The following MAP3K12 variants were observed in gnomAD, a reference collection of about 807,000 sequenced individuals.
MAP3K12 encodes mitogen-activated protein kinase kinase kinase 12, also known as MAPK-upstream kinase.
In MAP3K12, 14 loss-of-function variants were observed where a neutral mutation model predicts 87.5. That is an observed-to-expected ratio of 0.16 (90% CI 0.11 to 0.25). The LOEUF is 0.25. Ranked by LOEUF, MAP3K12 falls within the 10% of genes least tolerant of loss-of-function variation. The pLI is 1.00. For synonymous variants in MAP3K12, 469 were observed against 452.5 expected (o/e 1.04, Z -0.46); for missense variants, 802 against 1,140.4 (o/e 0.70, Z 4.27).
At position 53,481,066 on chromosome 12, in the gene MAP3K12, T is replaced by G. The variant is rs1299715883; in HGVS notation, c.*116A>C. On this transcript the variant is annotated 3_prime_UTR_variant, in exon 14 of 14. Coordinates refer to ENST00000547488, the MANE Select transcript of MAP3K12 (RefSeq NM_001193511.2). ...GGGATCAGTCTCCCTCGAGCCTGAC[T>G]TACGGCTGGGACAGCCCCATCTTTC... 1 of 362,608 alleles carries G rather than the reference T, an allele frequency of 2.8e-6. No homozygotes were observed. Among genetic ancestry groups the G allele is most frequent in the Non-Finnish European group, 4.2e-6 (1 of 239,314 alleles). 22.5% of individuals were successfully genotyped at this position (362,608 alleles called of 1,614,324 possible).
At chr12:53,481,844 G>T in intron 13 of MAP3K12, 97 bp downstream of exon 13, 1 of 1,440,378 alleles carries the variant, frequency 6.9e-7, no homozygotes, top group Non-Finnish European at 9.5e-7. Flanking sequence ...GTACTTTCTG[G>T]CCTGTGCAGC....
At chr12:53,487,553 G>C (rs1943264747) in intron 1 of MAP3K12, 125 bp from the exon 2 acceptor site, 1 of 921,130 alleles carries the variant, frequency 1.1e-6, no homozygotes, top group African/African-American at 1.7e-5. Context: ...GGTAACACTT[G>C]TGGCTCCGTT....
At chr12:53,482,425 G>A (rs533252607) in intron 11 of MAP3K12, 56 bp from the exon 12 acceptor site, 1 of 1,608,040 alleles carries the variant, frequency 6.2e-7, no homozygotes, top group South Asian at 1.1e-5. Flanking sequence ...AGGTCACTAA[G>A]AATCCAGGAG....
At chr12:53,484,125 A>G in intron 7 of MAP3K12, 105 bp from the exon 8 acceptor site, 1 of 1,388,074 alleles carries the variant, frequency 7.2e-7, no homozygotes, top group Non-Finnish European at 1.0e-6. Flanking sequence ...AGCAAAAAGG[A>G]GTGGATTGAC....
chr12:53,493,120 C>G (rs1382229553), intron 1 of MAP3K12: 1 of 152,446 alleles, frequency 6.6e-6, no homozygotes, highest in Non-Finnish European at 1.5e-5. Context: ...CTGGGGGAAG[C>G]GCTGGGCGCT....
In MAP3K12 at chr12:53,482,110, C is replaced by T. The variant is rs756345069; in HGVS notation, c.2411G>A (p.Gly804Asp). The change falls in exon 13 of 14, where the codon GGC becomes GAC. Residue 804 changes from glycine to aspartate, a missense_variant. By Grantham distance (94) the Gly-to-Asp change is moderately conservative. This residue lies in a region of MAP3K12 where 490 missense variants were observed against 496.6 expected (regional missense o/e 0.99). Coordinates refer to ENST00000547488, the MANE Select transcript of MAP3K12 (RefSeq NM_001193511.2). ...GTTGGTGCTGCCAACTTCAGGTGTG[C>T]CACTGGGGGAAGGTTCACTAGCTGT... is the stretch of plus-strand genomic sequence containing the variant. Reference protein sequence around the residue: ...EGTASEPSPSGTPEVGSTNTD... With the variant: ...EGTASEPSPSDTPEVGSTNTD... 6.2e-7 allele frequency: 1 copy of T among 1,614,166 alleles called. No individual in the cohort carries two copies. Among genetic ancestry groups the T allele is most frequent in the Non-Finnish European group, 8.5e-7 (1 of 1,180,038 alleles).
At chr12:53,498,668 G>A (rs1343113418) in intron 1 of MAP3K12, among the ~76,000 whole-genome samples, 1 of 152,070 alleles carries the variant, frequency 6.6e-6, no homozygotes, top group Non-Finnish European at 1.5e-5. Flanking sequence ...GGTTTTTGGA[G>A]GGCCTGACTG....
chr12:53,484,472 T>G (rs1450398660), intron 6 of MAP3K12, 107 bp from the exon 7 acceptor site: 1 of 739,476 alleles, frequency 1.4e-6, no homozygotes, highest in East Asian at 2.6e-5. Context: ...AATCCTAGAA[T>G]GTACTCTGTG....
chr12:53,497,022 G>C (rs552193180), intron 1 of MAP3K12, among the ~76,000 whole-genome samples: 116 of 152,288 alleles, frequency 7.6e-4, no homozygotes, highest in African/African-American at 2.6e-3. Flanking sequence ...TACATAATGT[G>C]GTGGGTAAGA....
intron 1 of MAP3K12, among the ~76,000 whole-genome samples, chr12:53,492,436 CCGCACACTCTCTCTGCGCGCGCGCGCG>C (rs1266177055): frequency 1.3e-5 from 2 of 152,044 alleles, no homozygotes; most frequent in African/African-American, 2.4e-5. Flanking sequence ...GCCTTAAGCC[CCGCACACTCTCTCTGCGCGCGCGCGCG>C]CGCGCAAACA....
chr12:53,497,054 G>C (rs1480643179), intron 1 of MAP3K12, among the ~76,000 whole-genome samples: 7 of 152,230 alleles, frequency 4.6e-5, no homozygotes, highest in Admixed American at 2.0e-4. Context: ...GGGTTACACA[G>C]ACCTGGGTTC....
At chr12:53,498,908 CTGTGTGTG>C (rs71068135) in intron 1 of MAP3K12, among the ~76,000 whole-genome samples, 6 of 108,426 alleles carry the variant, frequency 5.5e-5, no homozygotes, top group African/African-American at 2.3e-4. Context: ...GTCCAGCCTG[CTGTGTGTG>C]TGTGTGTGTG....
rs1481645489 is a variant in MAP3K12, at chr12:53,481,665, C to G, written c.2580+276G>C. On this transcript the variant is annotated intron_variant, in intron 13 of 13. Transcript: ENST00000547488. ...GCCCAGCCAGCTTACTGGTTTTATTCCTTCCAGATTTCAGTTGCTCAGGCC... is the reference window on the plus strand; with the variant it reads ...GCCCAGCCAGCTTACTGGTTTTATTGCTTCCAGATTTCAGTTGCTCAGGCC... The G allele has an allele frequency of 7.2e-6, 3 of 417,786 alleles. No individual in the cohort carries two copies. In the East Asian group the frequency reaches 1.3e-4, roughly 18 times the overall value. 25.9% of individuals were successfully genotyped at this position (417,786 alleles called of 1,614,324 possible). A position where few individuals can be genotyped will look rare whatever the true frequency, so the allele number is the denominator to read the frequency against.
chr12:53,482,573 G>T lies in MAP3K12; in HGVS notation c.2230C>A (p.Arg744=), dbSNP rs1177283545. The change falls in exon 11 of 14, where the codon CGA becomes AGA. Residue 744 remains arginine (R), a synonymous_variant. Transcript: ENST00000547488. ...AALLYRAAVT[R]SQKRGISSEE... is the part of the protein sequence containing the mutation. ...GCCTTCCCATACTTTACCTGACTTC[G>T]GGTGACGGCAGCCCTGTACAGCAGT... 2.5e-6 allele frequency: 4 copies of T among 1,604,826 alleles called. No homozygotes were observed. Among genetic ancestry groups the T allele is most frequent in the Non-Finnish European group, 3.4e-6 (4 of 1,175,530 alleles).
intron 1 of MAP3K12, among the ~76,000 whole-genome samples, chr12:53,490,789 T>C (rs1943377477): frequency 6.6e-6 from 1 of 151,388 alleles, no homozygotes; most frequent in South Asian, 2.1e-4. Context: ...TGTGCACCTT[T>C]AGTTCCAGCT....
Position 53,483,485 on chromosome 12 carries a change from G to A in MAP3K12, c.1477C>T (p.Arg493Ter). ...LELKERELLR[R>*]EQALERRCPG... Reference sequence around the variant, plus strand: ...CACCTCCGCTCTAAAGCTTGCTCTCGCCTAAAGATCCAGGCACCTTCTCAG... The same window carrying A: ...CACCTCCGCTCTAAAGCTTGCTCTCACCTAAAGATCCAGGCACCTTCTCAG... Residue 493 changes from arginine (R) to a stop codon, truncating the protein, a stop_gained and splice_region_variant, in exon 10 of 14, where the codon CGA becomes TGA. Transcript: ENST00000547488. LOFTEE classifies it high-confidence loss of function. 1 of 1,614,036 alleles carries A rather than the reference G, an allele frequency of 6.2e-7. No homozygotes were observed. Among genetic ancestry groups the A allele is most frequent in the Non-Finnish European group, 8.5e-7 (1 of 1,179,990 alleles).
chr12:53,496,120 C>G lies in MAP3K12; in HGVS notation c.-38+3307G>C, dbSNP rs529939617. On this transcript the variant is annotated intron_variant, in intron 1 of 13. Transcript: ENST00000547488. ...GCAGCATGTTTCCTCCTTGCTTTGT[C>G]TTCCTGGTTGGCTGGACACCAGGTC... 5.3e-5 allele frequency among the ~76,000 whole-genome samples: 8 copies of G among 152,240 alleles called. No individual in the cohort carries two copies. The East Asian group carries it at 1.5e-3, about 29-fold the overall frequency.
rs369724560 is a variant in MAP3K12 at position 53,487,191 on chromosome 12, T to G, written c.201A>C (p.Pro67=). 7 of 1,613,728 alleles carry G rather than the reference T, an allele frequency of 4.3e-6. No homozygotes were observed. In the African/African-American group the frequency reaches 9.4e-5, roughly 22 times the overall value. Residue 67 remains proline (P), a synonymous_variant, in exon 2 of 14, where the codon CCA becomes CCC. Coordinates refer to ENST00000547488, the MANE Select transcript of MAP3K12 (RefSeq NM_001193511.2). The part of the protein sequence containing the change: ...GQGGGGPSPS[P]GGEPPPEPFA... ...AAGGCTCAGGGGGCGGCTCTCCACC[T>G]GGGGAGGGGCTGGGCCCTCCCCCAC...
intron 1 of MAP3K12, among the ~76,000 whole-genome samples, chr12:53,492,087 AAAAAG>A (rs1335985603): frequency 2.6e-5 from 4 of 151,690 alleles, no homozygotes; most frequent in African/African-American, 9.7e-5. Flanking sequence ...AAAAAAAAAA[AAAAAG>A]AAGAAGAAGA....
Sources: gnomAD v4.1 joint callset for allele counts (sites outside exome capture counted in the v4.1 genomes callset) on GRCh38, gnomAD v4.1.1 for gene constraint, gnomAD v4.1.1 regional missense constraint, MANE v1.5 for transcripts, NCBI Gene and HGNC (gene_info 2026-07-23, HGNC 2026-07-21) for gene names.